KIF15: variants seen among roughly 807,000 people sequenced by gnomAD.
The protein encoded by KIF15 is kinesin-like protein KIF15.
A neutral mutation model predicts 190.6 loss-of-function variants in KIF15; 140 were observed. That is an observed-to-expected ratio of 0.73 (90% CI 0.64 to 0.84). KIF15 has a LOEUF of 0.84. Among genes scored for constraint, KIF15 ranks in the 40% least tolerant of loss-of-function variants. The pLI, the probability that KIF15 is intolerant of heterozygous loss-of-function variation, is 0.00. For synonymous variants in KIF15, 528 were observed against 551.3 expected, an observed-to-expected ratio of 0.96 and a Z score of 0.59; for missense variants, 1,372 against 1,584.4, an observed-to-expected ratio of 0.87 and a Z score of 2.28.
At chr3:44,810,735 C>T in intron 16 of KIF15, 111 bp from the exon 17 acceptor site, 4 of 893,112 alleles carry the variant, frequency 4.5e-6, no homozygotes, top group Non-Finnish European at 6.8e-6. Context: ...GGTACTTTTT[C>T]CTTTCTTTTC....
At chr3:44,857,395 G>A (rs1006852303), downstream of KIF15, among the ~76,000 whole-genome samples, 23 of 152,258 alleles carry the variant, frequency 1.5e-4, no homozygotes, top group African/African-American at 5.5e-4. Context: ...CCGCTGCACG[G>A]AGACATAATG....
chr3:44,825,352 C>T (rs1414764147), intron 20 of KIF15, among the ~76,000 whole-genome samples: 2 of 152,116 alleles, frequency 1.3e-5, no homozygotes, highest in Non-Finnish European at 2.9e-5. Context: ...TGATTTGCTG[C>T]TTCTGCTCTG....
intron 1 of KIF15, 147 bp from the exon 2 acceptor site, chr3:44,774,248 T>G (rs1438565155): frequency 1.5e-6 from 1 of 653,346 alleles, no homozygotes; most frequent in African/African-American, 1.8e-5. Context: ...GAGAATAGGA[T>G]CAAGGCCTGG....
chr3:44,868,012 A>G lies in KIF15; in HGVS notation c.*60-5317A>G, dbSNP rs148574834. Among the ~76,000 whole-genome samples, 549 of 152,298 alleles carry G rather than the reference A, an allele frequency of 3.6e-3. 2 individuals carry two copies. Among genetic ancestry groups the G allele is most frequent in the African/African-American group, 0.013 (526 of 41,548 alleles). On this transcript the variant is annotated intron_variant and NMD_transcript_variant, in intron 6 of 6. Transcript: ENST00000422209. ...TTTTAAAAGTGTGCAATTCAGTAGT[A>G]TTTTAGTAGATTCACAAAGTTTTCG... is the stretch of plus-strand genomic sequence containing the variant.
chr3:44,806,120 G>GTCT, intron 16 of KIF15, 134 bp downstream of exon 16: 2 of 962,828 alleles, frequency 2.1e-6, no homozygotes, highest in South Asian at 1.9e-5. Flanking sequence ...TGTCACACTG[G>GTCT]TCTTTGGGTT....
intron 30 of KIF15, among the ~76,000 whole-genome samples, chr3:44,844,257 G>A (rs1238273599): frequency 6.6e-6 from 1 of 152,192 alleles, no homozygotes; most frequent in South Asian, 2.1e-4. Flanking sequence ...GGATGGTAAT[G>A]GTGGCTATGC....
At chr3:44,864,024 C>A (rs1699292761) in intron 6 of KIF15, 5 of 646,192 alleles carry the variant, frequency 7.7e-6, no homozygotes, top group Middle Eastern at 4.4e-4. Context: ...GGGTCTGCTG[C>A]CCACTGAGGG....
At chr3:44,867,699 T>C (rs1168551278) in intron 6 of KIF15, among the ~76,000 whole-genome samples, 1 of 152,224 alleles carries the variant, frequency 6.6e-6, no homozygotes, top group Non-Finnish European at 1.5e-5. Flanking sequence ...TTGTACAAGA[T>C]GTAAGATTTT....
intron 5 of KIF15, among the ~76,000 whole-genome samples, chr3:44,781,401 A>G (rs1241969782): frequency 6.6e-6 from 1 of 152,240 alleles, no homozygotes; most frequent in Non-Finnish European, 1.5e-5. Flanking sequence ...TGCATGTAGT[A>G]GTAGTTTATT....
chr3:44,766,807 C>CTTTTTTTTTTTTTT (rs766382105), intron 1 of KIF15, among the ~76,000 whole-genome samples: 36 of 118,536 alleles, frequency 3.0e-4, no homozygotes, highest in Middle Eastern at 4.8e-3. Context: ...TTCTTTCTTT[C>CTTTTTTTTTTTTTT]TTTTTTTTTT....
chr3:44,779,001 AC>A (rs1388866818), intron 4 of KIF15, among the ~76,000 whole-genome samples: 16 of 147,160 alleles, frequency 1.1e-4, no homozygotes, highest in South Asian at 4.4e-4. Context: ...AAAAAAAAAA[AC>A]CAAAACAAAA....
intron 19 of KIF15, among the ~76,000 whole-genome samples, chr3:44,813,675 G>A (rs1707903821): frequency 7.0e-6 from 1 of 142,020 alleles, no homozygotes; most frequent in African/African-American, 2.6e-5. Flanking sequence ...CACCCAGGCT[G>A]GAGCGCAGTG....
At chr3:44,861,131 A>G (rs1699238378) in intron 6 of KIF15, among the ~76,000 whole-genome samples, 1 of 152,148 alleles carries the variant, frequency 6.6e-6, no homozygotes, top group East Asian at 1.9e-4. Context: ...AGCTGGGATT[A>G]CAGGCATGCA....
rs775000463 is a variant in KIF15, at chr3:44,843,213, T to G, written c.3674T>G (p.Ile1225Ser). The stretch of plus-strand genomic sequence containing the variant: ...CTCCTGCAAGGTCAGCTGGATGATA[T>G]TAAAAGACAAAAGGAAAACAGGTGA... The part of the protein sequence containing the change: ...NWLLQGQLDD[I>S]KRQKENSDQN... The change falls in exon 30 of 35, where the codon ATT (isoleucine) becomes AGT (serine). Residue 1225 changes from isoleucine (I) to serine (S), a missense_variant. Coordinates refer to ENST00000326047, the MANE Select transcript of KIF15 (RefSeq NM_020242.3). 1.2e-6 allele frequency: 2 copies of G among 1,612,626 alleles called. No individual in the cohort carries two copies. Among genetic ancestry groups the G allele is most frequent in the South Asian group, 2.2e-5 (2 of 90,942 alleles).
At chr3:44,843,275 C>A in intron 30 of KIF15, 41 bp downstream of exon 30, 1 of 1,382,698 alleles carries the variant, frequency 7.2e-7, no homozygotes, top group Non-Finnish European at 1.0e-6. Context: ...TAAATCTTGG[C>A]CTGCCTGTGT....
rs1045874407 is a variant in KIF15, at chr3:44,772,102, A to G, written c.20-2293A>G. ...TTAATTAGAACTCTTGTTTATAGAGATCACACACACAACACATACATAACT... is the reference window on the plus strand; with the variant it reads ...TTAATTAGAACTCTTGTTTATAGAGGTCACACACACAACACATACATAACT... On this transcript the variant is annotated intron_variant, in intron 1 of 34. Coordinates refer to ENST00000326047, the MANE Select transcript of KIF15 (RefSeq NM_020242.3). Among the ~76,000 whole-genome samples, 30 of 152,192 alleles carry G rather than the reference A, an allele frequency of 2.0e-4. 1 individual carries two copies. Among genetic ancestry groups the G allele is most frequent in the Admixed American group, 6.5e-5 (1 of 15,270 alleles).
At chr3:44,857,168 A>G (rs1699197981), downstream of KIF15, among the ~76,000 whole-genome samples, 1 of 152,150 alleles carries the variant, frequency 6.6e-6, no homozygotes. Context: ...TGGTATCCAG[A>G]ATAATGTGGG....
chr3:44,830,031 A>T lies in KIF15; in HGVS notation c.3004A>T (p.Thr1002Ser). The change falls in exon 25 of 35, where the codon ACA becomes TCA. Residue 1002 changes from threonine (T) to serine (S), a missense_variant. Transcript: ENST00000326047. The stretch of plus-strand genomic sequence containing the variant: ...GCTAAGAACATCGGTCTGTGAGAAA[A>T]CAGAAACTATAGACACCCTGAAACA... ...QELRTSVCEK[T>S]ETIDTLKQEL... 6.3e-7 allele frequency: 1 copy of T among 1,596,952 alleles called. No homozygotes were observed. Among genetic ancestry groups the T allele is most frequent in the Non-Finnish European group, 8.5e-7 (1 of 1,173,324 alleles).
chr3:44,851,807 C>T lies in KIF15; in HGVS notation c.3827C>T (p.Ala1276Val). ...TACAGCCTAGAAGAAGTCCAAAGTG[C>T]CCTTTACAACAAAGAGATGGAATGC... The part of the protein sequence containing the change: ...MKADLEEVQS[A>V]LYNKEMECLR... The change falls in exon 33 of 35, where the codon GCC becomes GTC. Residue 1276 changes from alanine to valine, a missense_variant. Ala to Val is a moderately conservative substitution (Grantham distance 64, BLOSUM62 0). Coordinates refer to ENST00000326047, the MANE Select transcript of KIF15 (RefSeq NM_020242.3). 1.2e-6 allele frequency: 2 copies of T among 1,613,244 alleles called. No homozygotes were observed. The highest frequency in any genetic ancestry group is 1.7e-6 in the Non-Finnish European group (2 of 1,179,578).
Sources: allele counts gnomAD v4.1 joint callset (sites outside exome capture counted in the v4.1 genomes callset), GRCh38; gene constraint gnomAD v4.1.1; transcripts MANE v1.5; gene names NCBI Gene and HGNC (gene_info 2026-07-23, HGNC 2026-07-21).